Variants in PRH1 observed in about 807,000 individuals in gnomAD.
PRH1 encodes the protein salivary acidic proline-rich phosphoprotein 1/2.
PRH1 carries 7 observed loss-of-function variants against 7.9 expected under a neutral mutation model. The ratio of observed to expected loss-of-function variants is 0.89; its 90% CI spans 0.50 to 1.67. The LOEUF (loss-of-function observed/expected upper bound fraction) is 1.67. PRH1 is among the 40% of genes most tolerant of loss of function. The probability of loss-of-function intolerance (pLI) is 0.00; values close to 1 mark genes in which losing one functional copy is unlikely to be tolerated. For missense variants in PRH1, 109 were observed against 223.6 expected (o/e 0.49, Z 3.27); for synonymous variants, 45 against 80.8 (o/e 0.56, Z 2.38).
chr12:10,925,281 C>G (rs1360155071), intron 2 of PRH1, among the ~76,000 whole-genome samples: 1 of 152,110 alleles, frequency 6.6e-6, no homozygotes, highest in Non-Finnish European at 1.5e-5. Flanking sequence ...TTTGGTAACA[C>G]CAGCTCTGGG....
At chr12:11,063,458 G>A (rs1943694685) in intron 1 of PRH1, among the ~76,000 whole-genome samples, 1 of 151,964 alleles carries the variant, frequency 6.6e-6, no homozygotes. Flanking sequence ...GCCCCCACCT[G>A]ATCCAGACCA....
At chr12:10,986,569 G>A in intron 1 of PRH1, 1 of 1,614,080 alleles carries the variant, frequency 6.2e-7, no homozygotes, top group Non-Finnish European at 8.5e-7. Flanking sequence ...TTAGCAGCAA[G>A]CCACATGCTG....
At position 11,031,041 on chromosome 12, in the gene PRH1, C is replaced by G. The variant is rs575434634; in HGVS notation, c.-126+15979G>C. ...AAATAAAATATGCTGAGGCTAGTAG[C>G]AAGCCAGTTGCTGAAATGGCCGGTT... is the stretch of plus-strand genomic sequence containing the variant. On this transcript the variant is annotated intron_variant, in intron 1 of 3. Transcript: ENST00000539853. The G allele has an allele frequency of 2.5e-6, 4 of 1,614,296 alleles. No individual in the cohort carries two copies. In the East Asian group the frequency reaches 6.7e-5, roughly 27 times the overall value.
chr12:11,107,922 A>T (rs1374093971), intron 1 of PRH1, among the ~76,000 whole-genome samples: 1 of 152,236 alleles, frequency 6.6e-6, no homozygotes, highest in African/African-American at 2.4e-5. Context: ...AAAAGGAACA[A>T]ATAATGTACA....
intron 1 of PRH1, among the ~76,000 whole-genome samples, chr12:11,014,832 C>A (rs1412320251): frequency 6.6e-6 from 1 of 152,086 alleles, no homozygotes; most frequent in Non-Finnish European, 1.5e-5. Context: ...AGGTATAGGG[C>A]TCTTACAGTA....
chr12:11,022,013 G>T, intron 1 of PRH1: 2 of 1,613,980 alleles, frequency 1.2e-6, no homozygotes, highest in Non-Finnish European at 1.7e-6. Flanking sequence ...AGAGTAAAGG[G>T]TATGAGGTTT....
At chr12:11,082,084 C>T (rs1180279791) in intron 1 of PRH1, among the ~76,000 whole-genome samples, 1 of 116,196 alleles carries the variant, frequency 8.6e-6, no homozygotes, top group Admixed American at 8.7e-5. Flanking sequence ...TATAACTTTC[C>T]TACAATGATA....
At chr12:10,894,411 A>G (rs1949616741) in intron 2 of PRH1, among the ~76,000 whole-genome samples, 1 of 152,168 alleles carries the variant, frequency 6.6e-6, no homozygotes, top group Admixed American at 6.5e-5. Flanking sequence ...AGTGATGTAC[A>G]TTTCAATTGA....
At chr12:10,988,984 T>G (rs1008627759) in intron 1 of PRH1, among the ~76,000 whole-genome samples, 11 of 152,236 alleles carry the variant, frequency 7.2e-5, no homozygotes, top group Admixed American at 6.5e-4. Flanking sequence ...CTTTTTGTAT[T>G]TTTAGTACAG....
chr12:10,918,139 G>A (rs769604637), intron 2 of PRH1, among the ~76,000 whole-genome samples: 5 of 152,068 alleles, frequency 3.3e-5, no homozygotes. Flanking sequence ...CAAACACCAC[G>A]TGTTCTCGCT....
At chr12:11,121,285 A>C (rs1364002082) in intron 1 of PRH1, 2 of 152,232 alleles carry the variant, frequency 1.3e-5, no homozygotes, top group Non-Finnish European at 1.5e-5. Flanking sequence ...TATCATCAAT[A>C]TATTGATTAG....
At chr12:11,073,502 A>G (rs1311907124) in intron 1 of PRH1, among the ~76,000 whole-genome samples, 2 of 150,546 alleles carry the variant, frequency 1.3e-5, no homozygotes, top group Non-Finnish European at 3.0e-5. Flanking sequence ...AGAGAAGCAC[A>G]GTGTTTATTG....
intron 1 of PRH1, among the ~76,000 whole-genome samples, chr12:11,129,296 T>A (rs529220256): frequency 7.3e-4 from 111 of 152,404 alleles, no homozygotes; most frequent in African/African-American, 2.6e-3. Flanking sequence ...CAGTTTGTAG[T>A]TATTACCTCT....
At chr12:11,039,272 G>GGA (rs1942593920) in intron 1 of PRH1, among the ~76,000 whole-genome samples, 1 of 152,042 alleles carries the variant, frequency 6.6e-6, no homozygotes, top group Non-Finnish European at 1.5e-5. Context: ...TGATTCCTAA[G>GGA]TGTGCAGTAA....
At chr12:10,992,257 C>T (rs2135995842) in intron 1 of PRH1, among the ~76,000 whole-genome samples, 1 of 152,250 alleles carries the variant, frequency 6.6e-6, no homozygotes, top group Admixed American at 6.5e-5. Context: ...TCACCTGTAG[C>T]CATAACAGTA....
chr12:11,163,394 G>A (rs1011659912), intron 1 of PRH1, among the ~76,000 whole-genome samples: 6 of 152,098 alleles, frequency 3.9e-5, no homozygotes, highest in African/African-American at 7.2e-5. Flanking sequence ...CCTGTCTGAT[G>A]GATGATTTAA....
At chr12:10,943,817 T>C (rs1409865911) in intron 2 of PRH1, among the ~76,000 whole-genome samples, 4 of 152,232 alleles carry the variant, frequency 2.6e-5, no homozygotes, top group African/African-American at 7.2e-5. Context: ...TGCTATTTAT[T>C]AAATACGAAG....
chr12:11,160,512 A>G (rs1356077460), intron 1 of PRH1, among the ~76,000 whole-genome samples: 1 of 152,084 alleles, frequency 6.6e-6, no homozygotes, highest in East Asian at 1.9e-4. Context: ...ACTCCATCAC[A>G]CAGGCTGTAC....
At chr12:11,090,984 A>T (rs375843619) in intron 1 of PRH1, among the ~76,000 whole-genome samples, 3,347 of 87,768 alleles carry the variant, frequency 0.038, 972 homozygotes, top group South Asian at 0.054. Flanking sequence ...GAATGAAATA[A>T]ACATGGCTTC....
Sources: gnomAD v4.1 joint callset for allele counts (sites outside exome capture counted in the v4.1 genomes callset) on GRCh38, gnomAD v4.1.1 for gene constraint, MANE v1.5 for transcripts, NCBI Gene and HGNC (gene_info 2026-07-23, HGNC 2026-07-21) for gene names.